The following ZNF362 variants were observed in gnomAD, a reference collection of about 807,000 sequenced individuals.
The protein encoded by ZNF362 is zinc finger protein 362.
In ZNF362, 11 loss-of-function variants were observed where a neutral mutation model predicts 42.9. The ratio of observed to expected loss-of-function variants is 0.26; its 90% CI spans 0.16 to 0.42. ZNF362 has a LOEUF of 0.42. Among genes scored for constraint, ZNF362 ranks in the 20% least tolerant of loss-of-function variants. The pLI, the probability that ZNF362 is intolerant of heterozygous loss-of-function variation, is 1.00. For synonymous variants in ZNF362, 255 were observed against 257.3 expected, an observed-to-expected ratio of 0.99 and a Z score of 0.09; for missense variants, 362 against 576.2, an observed-to-expected ratio of 0.63 and a Z score of 3.81.
At chr1:33,218,906 G>A in the ZNF362 span, among the ~76,000 whole-genome samples, 3 of 147,630 alleles carry the variant, frequency 2.0e-5, no homozygotes, top group South Asian at 2.2e-4. Context: ...CAGGCTGGAC[G>A]CACAGGTCTG....
In ZNF362 at chr1:33,266,107, C is replaced by G. The variant is rs894254414; in HGVS notation, c.-88-4380C>G. 1.8e-4 allele frequency among the ~76,000 whole-genome samples: 28 copies of G among 152,230 alleles called. No homozygotes were observed. Among genetic ancestry groups the G allele is most frequent in the Non-Finnish European group, 4.1e-4 (28 of 68,032 alleles). ...TCCTGAGAATGCTGCCACTACCCTC[C>G]CTTCCCTCCCAGCCTGACTGCAGCA... On this transcript the variant is annotated intron_variant, in intron 1 of 8. Transcript: ENST00000539719. The surrounding 1 kb of genome is among the most constrained non-coding windows in gnomAD (Gnocchi z 4.3).
intron 6 of ZNF362, among the ~76,000 whole-genome samples, chr1:33,282,987 T>A (rs1328778285): frequency 6.6e-6 from 1 of 152,212 alleles, no homozygotes; most frequent in Non-Finnish European, 1.5e-5. Context: ...CACATGACGA[T>A]GATCATCTGT....
the ZNF362 span, among the ~76,000 whole-genome samples, chr1:33,210,965 ACTCT>A: frequency 2.0e-5 from 3 of 149,064 alleles, no homozygotes; most frequent in Admixed American, 2.0e-4. Context: ...ACAGAGACTC[ACTCT>A]GTCACCCAGG....
the ZNF362 span, chr1:33,146,073 A>AT: frequency 3.1e-5 from 11 of 352,592 alleles, no homozygotes; most frequent in African/African-American, 2.4e-4. Context: ...CTTCCTGCAG[A>AT]TGGGGGCAGC....
At chr1:33,181,424 G>A in the ZNF362 span, 3 of 1,595,226 alleles carry the variant, frequency 1.9e-6, no homozygotes, top group South Asian at 2.2e-5. This position sits in a 1 kb window ranked among gnomAD's most constrained non-coding sequence, Gnocchi z 6.5. Context: ...CCTTGAGGCT[G>A]CACGCCATGG....
chr1:33,280,176 G>A lies in ZNF362; in HGVS notation c.402G>A (p.Ala134=). ...TPSVSTSESS[A]GAGTGTGTST... ...CTGTGAGCACTTCTGAGTCAAGCGCGGGCGCGGGCACGGGCACGGGTACCA... is the reference window on the plus strand; with the variant it reads ...CTGTGAGCACTTCTGAGTCAAGCGCAGGCGCGGGCACGGGCACGGGTACCA... The change falls in exon 5 of 9, where the codon GCG becomes GCA. Residue 134 remains alanine, a synonymous_variant. Coordinates refer to ENST00000539719, the MANE Select transcript of ZNF362 (RefSeq NM_152493.3). The surrounding 1 kb of genome is among the most constrained non-coding windows in gnomAD (Gnocchi z 5.6). 6.2e-7 allele frequency: 1 copy of A among 1,611,054 alleles called. No individual in the cohort carries two copies. The highest frequency in any genetic ancestry group is 2.2e-5 in the East Asian group (1 of 44,818).
chr1:33,237,110 C>T, the ZNF362 span, among the ~76,000 whole-genome samples: 2 of 151,998 alleles, frequency 1.3e-5, no homozygotes, highest in Non-Finnish European at 2.9e-5. Flanking sequence ...TCACATCGTA[C>T]CTCATAAATA....
the ZNF362 span, among the ~76,000 whole-genome samples, chr1:33,241,364 G>A: frequency 4.0e-5 from 6 of 151,620 alleles, no homozygotes; most frequent in Non-Finnish European, 8.8e-5. Flanking sequence ...GTGTGGGGGC[G>A]GGTGCCTGTA....
chr1:33,238,326 CATAAAATAAAATAAAATAAA>C, the ZNF362 span, among the ~76,000 whole-genome samples: 4 of 85,178 alleles, frequency 4.7e-5, no homozygotes, highest in Admixed American at 1.3e-4. Flanking sequence ...CTCAAAATAA[CATAAAATAAAATAAAATAAA>C]ATAAAATAAA....
chr1:33,138,283 A>C, the ZNF362 span, among the ~76,000 whole-genome samples: 1 of 152,164 alleles, frequency 6.6e-6, no homozygotes, highest in Non-Finnish European at 1.5e-5. Context: ...ACTAACATGG[A>C]ATAACAATCT....
chr1:33,175,334 G>T, the ZNF362 span, among the ~76,000 whole-genome samples: 1 of 151,954 alleles, frequency 6.6e-6, no homozygotes, highest in Non-Finnish European at 1.5e-5. Context: ...GGGCCACTGC[G>T]CCCAGCCCAG....
the ZNF362 span, among the ~76,000 whole-genome samples, chr1:33,215,252 A>G: frequency 6.6e-6 from 1 of 152,200 alleles, no homozygotes; most frequent in South Asian, 2.1e-4. Flanking sequence ...CAGAAAGACA[A>G]ATTTCTCATG....
chr1:33,132,292 T>C, the ZNF362 span, among the ~76,000 whole-genome samples: 1 of 152,222 alleles, frequency 6.6e-6, no homozygotes, highest in Non-Finnish European at 1.5e-5. Flanking sequence ...AAGGGCCAGA[T>C]AGTCAATACT....
chr1:33,268,387 A>G (rs1373156782), intron 1 of ZNF362, among the ~76,000 whole-genome samples: 1 of 152,226 alleles, frequency 6.6e-6, no homozygotes, highest in Non-Finnish European at 1.5e-5. Flanking sequence ...TTTATCAGGT[A>G]CTGTGCAGGG....
chr1:33,256,244 G>C (rs1645788640), upstream of ZNF362, among the ~76,000 whole-genome samples: 1 of 140,918 alleles, frequency 7.1e-6, no homozygotes, highest in African/African-American at 2.5e-5. Flanking sequence ...GCCCCAGCGC[G>C]CGGCCCGCCC....
chr1:33,210,744 G>A, the ZNF362 span, among the ~76,000 whole-genome samples: 1 of 151,952 alleles, frequency 6.6e-6, no homozygotes, highest in African/African-American at 2.4e-5. Flanking sequence ...ACCCAGGATT[G>A]CAACCCCTAC....
At chr1:33,220,000 G>A in the ZNF362 span, among the ~76,000 whole-genome samples, 2 of 152,248 alleles carry the variant, frequency 1.3e-5, no homozygotes, top group Non-Finnish European at 2.9e-5. Flanking sequence ...CCCTGGCTCA[G>A]AAGGGGAAAC....
chr1:33,172,977 C>A, the ZNF362 span, among the ~76,000 whole-genome samples: 1 of 152,206 alleles, frequency 6.6e-6, no homozygotes, highest in Non-Finnish European at 1.5e-5. Context: ...CATGGCGCTG[C>A]ACACAATAGG....
chr1:33,172,417 C>G, the ZNF362 span, among the ~76,000 whole-genome samples: 269 of 152,114 alleles, frequency 1.8e-3, 2 homozygotes, highest in African/African-American at 6.1e-3. Context: ...TGGCTGCAGC[C>G]AGGCATGTGA....
Sources: gnomAD v4.1 joint callset for allele counts (sites outside exome capture counted in the v4.1 genomes callset) on GRCh38, gnomAD v4.1.1 for gene constraint, Gnocchi (gnomAD v3.1) non-coding constraint, MANE v1.5 for transcripts, NCBI Gene and HGNC (gene_info 2026-07-23, HGNC 2026-07-21) for gene names.